The following DNAH9 variants were observed in gnomAD, a reference collection of about 807,000 sequenced individuals.
DNAH9 encodes dynein axonemal heavy chain 9, also known as DNAH9 variant protein.
DNAH9 carries 345 observed loss-of-function variants against 471.6 expected under a neutral mutation model. The observed-to-expected ratio is 0.73, with a 90% CI of 0.67 to 0.80. DNAH9 has a LOEUF of 0.80. Among genes scored for constraint, DNAH9 ranks in the 30% least tolerant of loss-of-function variants. The probability of loss-of-function intolerance (pLI) is 0.00; values close to 1 mark genes in which losing one functional copy is unlikely to be tolerated. For synonymous variants in DNAH9, 2,093 were observed against 2,123.6 expected (o/e 0.99, Z 0.40); for missense variants, 5,407 against 5,609.2 (o/e 0.96, Z 1.15).
chr17:11,757,751 C>T, intron 35 of DNAH9, 59 bp downstream of exon 35: 1 of 1,556,076 alleles, frequency 6.4e-7, no homozygotes, highest in Non-Finnish European at 8.8e-7. Flanking sequence ...CCCATGGGTT[C>T]ACACCTAGTG....
chr17:11,701,359 A>G, intron 24 of DNAH9, 112 bp downstream of exon 24: 1 of 1,245,262 alleles, frequency 8.0e-7, no homozygotes, highest in Non-Finnish European at 1.1e-6. Flanking sequence ...CTTCACAGCC[A>G]GGGAGGCTTG....
chr17:11,762,762 T>TTTTTTTTTG (rs1402877311), intron 35 of DNAH9, among the ~76,000 whole-genome samples: 3 of 93,006 alleles, frequency 3.2e-5, no homozygotes, highest in South Asian at 3.8e-4. Context: ...AGGTGCGTTT[T>TTTTTTTTTG]TTTTTTTGTT....
At chr17:11,848,402 C>A (rs1030836077) in intron 49 of DNAH9, among the ~76,000 whole-genome samples, 1 of 151,504 alleles carries the variant, frequency 6.6e-6, no homozygotes, top group Non-Finnish European at 1.5e-5. Context: ...TTAATCTATC[C>A]TTTTTTTTAT....
chr17:11,939,850 G>T (rs1019645918), intron 66 of DNAH9, among the ~76,000 whole-genome samples: 2 of 151,866 alleles, frequency 1.3e-5, no homozygotes, highest in African/African-American at 4.8e-5. Context: ...ATGGATGATG[G>T]GTAGATGGGT....
intron 41 of DNAH9, among the ~76,000 whole-genome samples, chr17:11,789,556 T>C (rs902269270): frequency 6.6e-6 from 1 of 152,002 alleles, no homozygotes; most frequent in African/African-American, 2.4e-5. Flanking sequence ...GTCTTTTCTC[T>C]TTTTTTCTCT....
rs553597403 is a variant in DNAH9 at position 11,872,914 on chromosome 17, C to T, written c.10242+1128C>T. Among the ~76,000 whole-genome samples the T allele has an allele frequency of 4.6e-5, 7 of 152,266 alleles. No individual in the cohort carries two copies. The South Asian group carries it at 1.5e-3, about 32-fold the overall frequency. On this transcript the variant is annotated intron_variant, in intron 52 of 68. Transcript: ENST00000262442. ...CAGCCTGGGCGACAGAGCGAGACTC[C>T]GTCTCAAAAAACAAACAAACAAAAA... is the stretch of plus-strand genomic sequence containing the variant.
At chr17:11,807,694 C>A in intron 43 of DNAH9, 38 bp from the exon 44 acceptor site, 1 of 1,575,246 alleles carries the variant, frequency 6.3e-7, no homozygotes, top group South Asian at 1.2e-5. Flanking sequence ...TGCAGAAAGT[C>A]TGATCAAAGC....
intron 33 of DNAH9, among the ~76,000 whole-genome samples, chr17:11,754,440 C>G (rs1395175653): frequency 2.0e-5 from 3 of 152,224 alleles, no homozygotes; most frequent in African/African-American, 4.8e-5. Flanking sequence ...TACACTCCCA[C>G]CAACAGTGTA....
At chr17:11,678,736 C>A (rs978636516) in intron 17 of DNAH9, among the ~76,000 whole-genome samples, 6 of 151,934 alleles carry the variant, frequency 3.9e-5, no homozygotes, top group Admixed American at 1.3e-4. Context: ...ATTTATTCTG[C>A]TTGGGATTTG....
chr17:11,938,683 G>A (rs989097389), intron 66 of DNAH9, among the ~76,000 whole-genome samples: 2 of 152,006 alleles, frequency 1.3e-5, no homozygotes, highest in Admixed American at 1.3e-4. Flanking sequence ...ACTACAGCCT[G>A]CAACTCCTAA....
chr17:11,650,612 C>G (rs74951612), intron 12 of DNAH9, among the ~76,000 whole-genome samples: 1 of 152,196 alleles, frequency 6.6e-6, no homozygotes, highest in Non-Finnish European at 1.5e-5. Flanking sequence ...GCCAGTGTCT[C>G]GCTATAACTG....
At chr17:11,929,376 G>C (rs1199084506) in intron 62 of DNAH9, among the ~76,000 whole-genome samples, 2 of 152,120 alleles carry the variant, frequency 1.3e-5, no homozygotes, top group Non-Finnish European at 2.9e-5. Flanking sequence ...AGTAGCATCT[G>C]CATCACCAGG....
At chr17:11,723,190 C>G (rs979547985) in intron 27 of DNAH9, 9 of 152,226 alleles carry the variant, frequency 5.9e-5, no homozygotes, top group Non-Finnish European at 1.2e-4. Context: ...CTTGAATGCC[C>G]TTCTCTTGCA....
At chr17:11,859,134 C>T (rs1411796097) in intron 50 of DNAH9, among the ~76,000 whole-genome samples, 1 of 148,470 alleles carries the variant, frequency 6.7e-6, no homozygotes, top group Non-Finnish European at 1.5e-5. Context: ...CAGTTACAGC[C>T]AGGCATGGTG....
intron 17 of DNAH9, among the ~76,000 whole-genome samples, 164 bp from the exon 18 acceptor site, chr17:11,679,593 A>G (rs1230781348): frequency 2.0e-5 from 3 of 152,232 alleles, no homozygotes; most frequent in Non-Finnish European, 1.5e-5. Flanking sequence ...GCAAGAGGCC[A>G]TATTCTTAAC....
At chr17:11,853,392 A>G (rs1971503867) in intron 49 of DNAH9, 1 of 153,034 alleles carries the variant, frequency 6.5e-6, no homozygotes, top group South Asian at 2.1e-4. Flanking sequence ...TGATTTGCCA[A>G]GATCAACTCT....
chr17:11,829,878 C>G (rs893777573), intron 48 of DNAH9, among the ~76,000 whole-genome samples: 8 of 152,260 alleles, frequency 5.3e-5, no homozygotes, highest in African/African-American at 1.9e-4. Context: ...CCATCTTATT[C>G]ATTTAAGAGT....
At chr17:11,952,309 C>CT (rs753276964) in intron 67 of DNAH9, among the ~76,000 whole-genome samples, 1,424 of 71,060 alleles carry the variant, frequency 0.02, 262 homozygotes, top group African/African-American at 0.04. Context: ...CCAGCTAATT[C>CT]TTTTTTTTTT....
rs768373327 is a variant in DNAH9, at chr17:11,752,974, G to T, written c.6738+14G>T. The T allele has an allele frequency of 6.4e-7, 1 of 1,570,354 alleles. No homozygotes were observed. The highest frequency in any genetic ancestry group is 1.9e-5 in the Admixed American group (1 of 53,312). The stretch of plus-strand genomic sequence containing the variant: ...GATGATAACAAGGTATGAAATTGGG[G>T]GATATCCCTAGATCATTTCTAATCA... On this transcript the variant is annotated intron_variant, in intron 33 of 68. Transcript: ENST00000262442.
Sources: allele counts gnomAD v4.1 joint callset (sites outside exome capture counted in the v4.1 genomes callset), GRCh38; gene constraint gnomAD v4.1.1; transcripts MANE v1.5; gene names NCBI Gene and HGNC (gene_info 2026-07-23, HGNC 2026-07-21).